TTYH3: variants seen among roughly 807,000 people sequenced by gnomAD.
The protein encoded by TTYH3 is tweety family member 3, also known as protein tweety homolog 3.
Under a neutral mutation model 68.2 loss-of-function variants are expected in TTYH3, and 23 were observed. The ratio of observed to expected loss-of-function variants is 0.34; its 90% CI spans 0.24 to 0.48. The LOEUF (loss-of-function observed/expected upper bound fraction) is 0.48, where lower values mean the gene tolerates loss of function less well. Ranked by LOEUF, TTYH3 falls within the 20% of genes least tolerant of loss-of-function variation. TTYH3 has a pLI of 0.99. For synonymous variants in TTYH3, 360 were observed against 332.8 expected, an observed-to-expected ratio of 1.08 and a Z score of -0.89; for missense variants, 768 against 727.7, an observed-to-expected ratio of 1.06 and a Z score of -0.64.
rs1369633900 is a variant in TTYH3 at position 2,662,030 on chromosome 7, G to A, written c.*291G>A. 5 of 568,420 alleles carry A rather than the reference G, an allele frequency of 8.8e-6. No individual in the cohort carries two copies. Among genetic ancestry groups the A allele is most frequent in the African/African-American group, 5.7e-5 (3 of 52,592 alleles). The allele number at this position is 568,420 out of a possible 1,614,324, so 35.2% of individuals were successfully genotyped here. ...CACGCTCCCTCTGCAGATGGTCGCC[G>A]CACCTACAAGCCCTGGCCGCACCCA... On this transcript the variant is annotated 3_prime_UTR_variant, in exon 14 of 14. Coordinates refer to ENST00000258796, the MANE Select transcript of TTYH3 (RefSeq NM_025250.3).
At chr7:2,651,519 A>G (rs1358247062) in intron 7 of TTYH3, among the ~76,000 whole-genome samples, 1 of 151,860 alleles carries the variant, frequency 6.6e-6, no homozygotes, top group Admixed American at 6.6e-5. Flanking sequence ...CCAGGTCCCT[A>G]CTGTAGCCGG....
At chr7:2,643,508 C>T (rs932770660) in intron 1 of TTYH3, among the ~76,000 whole-genome samples, 2 of 152,238 alleles carry the variant, frequency 1.3e-5, no homozygotes, top group African/African-American at 4.8e-5. Flanking sequence ...CTGCAGGCGG[C>T]GCCAAGGGCA....
In TTYH3 at chr7:2,645,878, A is replaced by G. The variant is rs753291474; in HGVS notation, c.124-975A>G. The G allele has an allele frequency of 6.4e-6, 3 of 470,534 alleles. No homozygotes were observed. Among genetic ancestry groups the G allele is most frequent in the South Asian group, 3.1e-5 (2 of 64,544 alleles). 29.1% of individuals were successfully genotyped at this position (470,534 alleles called of 1,614,324 possible). ...TACAGCTGGGGTGGGGGATCCTGCC[A>G]GGACTCAGGTAGGAGAGTTCTGGGC... On this transcript the variant is annotated intron_variant, in intron 1 of 13. Coordinates refer to ENST00000258796, the MANE Select transcript of TTYH3 (RefSeq NM_025250.3). The surrounding 1 kb of genome is among the most constrained non-coding windows in gnomAD (Gnocchi z 4.8).
intron 5 of TTYH3, among the ~76,000 whole-genome samples, chr7:2,648,762 G>T (rs888738471): frequency 2.0e-5 from 3 of 151,948 alleles, no homozygotes; most frequent in South Asian, 2.1e-4. Context: ...GTGGTGGGGG[G>T]GGGTGCAGCT....
At chr7:2,655,763 G>A (rs1786315784) in intron 9 of TTYH3, among the ~76,000 whole-genome samples, 2 of 152,348 alleles carry the variant, frequency 1.3e-5, no homozygotes, top group East Asian at 1.9e-4. Flanking sequence ...GAGCAGGTCC[G>A]TGTCAGTAGA....
At chr7:2,659,852 A>G (rs779847720) in intron 13 of TTYH3, 26 of 1,249,114 alleles carry the variant, frequency 2.1e-5, no homozygotes, top group Non-Finnish European at 2.6e-5. Flanking sequence ...CACGGCCCAC[A>G]GCCCACTCCT....
intron 1 of TTYH3, among the ~76,000 whole-genome samples, chr7:2,643,592 C>T (rs537922823): frequency 4.8e-4 from 73 of 152,360 alleles, no homozygotes; most frequent in African/African-American, 1.7e-3. Flanking sequence ...GGGCATCAGC[C>T]CTCTGCACCA....
At chr7:2,655,189 G>A (rs550454105) in intron 9 of TTYH3, among the ~76,000 whole-genome samples, 7 of 150,968 alleles carry the variant, frequency 4.6e-5, no homozygotes, top group South Asian at 2.1e-4. Context: ...CTCTCTTGCC[G>A]AGGCTGGAGT....
intron 11 of TTYH3, among the ~76,000 whole-genome samples, chr7:2,657,937 G>A (rs1157443449): frequency 6.6e-6 from 1 of 152,162 alleles, no homozygotes; most frequent in Non-Finnish European, 1.5e-5. Flanking sequence ...GAGCCAAGAG[G>A]CACCCCAGCC....
chr7:2,652,380 C>T (rs1263055346), intron 8 of TTYH3, 138 bp downstream of exon 8: 2 of 778,296 alleles, frequency 2.6e-6, no homozygotes, highest in African/African-American at 1.7e-5. Context: ...TGGACAAAGG[C>T]TGTGTGGATG....
chr7:2,634,525 G>C (rs1785607710), intron 1 of TTYH3, among the ~76,000 whole-genome samples: 1 of 151,582 alleles, frequency 6.6e-6, no homozygotes, highest in South Asian at 2.1e-4. Context: ...GCTGTGCCCT[G>C]CTGGGGAGTG....
chr7:2,637,098 C>T (rs776518196), intron 1 of TTYH3, among the ~76,000 whole-genome samples: 11 of 152,090 alleles, frequency 7.2e-5, no homozygotes, highest in African/African-American at 2.4e-4. Flanking sequence ...TCTGTGTGTG[C>T]GGGACCCCCG....
chr7:2,637,059 A>T (rs1785696354), intron 1 of TTYH3, among the ~76,000 whole-genome samples: 1 of 151,960 alleles, frequency 6.6e-6, no homozygotes, highest in Admixed American at 6.5e-5. Flanking sequence ...TGATCTCCCC[A>T]GTTCTAGCAT....
At chr7:2,641,526 G>C (rs974407480) in intron 1 of TTYH3, among the ~76,000 whole-genome samples, 1 of 152,184 alleles carries the variant, frequency 6.6e-6, no homozygotes, top group African/African-American at 2.4e-5. Context: ...CGTGTGCTCC[G>C]CGGAACCCAG....
At chr7:2,643,744 G>C (rs962508779) in intron 1 of TTYH3, among the ~76,000 whole-genome samples, 3 of 152,236 alleles carry the variant, frequency 2.0e-5, no homozygotes, top group African/African-American at 7.2e-5. Flanking sequence ...GGACCTGGAA[G>C]CCCTTTGATG....
chr7:2,647,754 G>T, intron 4 of TTYH3, 116 bp downstream of exon 4: 1 of 1,193,734 alleles, frequency 8.4e-7, no homozygotes. Flanking sequence ...TGTGGCCCAG[G>T]GCCACTGGAG....
chr7:2,660,584 C>T (rs921908876), intron 13 of TTYH3: 1 of 977,390 alleles, frequency 1.0e-6, no homozygotes, highest in African/African-American at 1.8e-5. Flanking sequence ...CCATCCCCTC[C>T]CCTTGTGCTG....
intron 9 of TTYH3, among the ~76,000 whole-genome samples, 187 bp from the exon 10 acceptor site, chr7:2,655,905 G>C (rs1462175991): frequency 6.6e-6 from 1 of 152,148 alleles, no homozygotes; most frequent in Non-Finnish European, 1.5e-5. Flanking sequence ...GAGGGGCCTG[G>C]GGTCACCATT....
At position 2,645,358 on chromosome 7, in the gene TTYH3, C is replaced by T. The variant is rs4719619; in HGVS notation, c.124-1495C>T. ...GTGGATGAAATGGGGTGAGAGCACT[C>T]GGCCAGGCAGATCGAATGCAGTGCC... On this transcript the variant is annotated intron_variant, in intron 1 of 13. Coordinates refer to ENST00000258796, the MANE Select transcript of TTYH3 (RefSeq NM_025250.3). This position sits in a 1 kb window ranked among gnomAD's most constrained non-coding sequence, Gnocchi z 4.8. 0.072 allele frequency among the ~76,000 whole-genome samples: 10,996 copies of T among 152,216 alleles called. 513 individuals are homozygous for T. The highest frequency in any genetic ancestry group is 0.11 in the Middle Eastern group (33 of 294).
Sources: gnomAD v4.1 joint callset for allele counts (sites outside exome capture counted in the v4.1 genomes callset) on GRCh38, gnomAD v4.1.1 for gene constraint, Gnocchi (gnomAD v3.1) non-coding constraint, MANE v1.5 for transcripts, NCBI Gene and HGNC (gene_info 2026-07-23, HGNC 2026-07-21) for gene names.